SKI: variants seen among roughly 807,000 people sequenced by gnomAD.
SKI encodes the protein ski oncogene.
A neutral mutation model predicts 59.3 loss-of-function variants in SKI; 23 were observed. The ratio of observed to expected loss-of-function variants is 0.39; its 90% CI spans 0.28 to 0.55. The LOEUF (loss-of-function observed/expected upper bound fraction) is 0.55. Among genes scored for constraint, SKI ranks in the 20% least tolerant of loss-of-function variants. The pLI is 0.67. For missense variants in SKI, 1,017 were observed against 1,038.9 expected (o/e 0.98, Z 0.29); for synonymous variants, 673 against 488.6 (o/e 1.38, Z -4.98).
chr1:2,306,798 A>T lies in SKI; in HGVS notation c.*33A>T, dbSNP rs2230008. The stretch of plus-strand genomic sequence containing the variant: ...GCCTGCCGCCGCAGCGCCGCCGACA[A>T]CGCGGGTGCAGGGGGGCGCGGCTGG... On this transcript the variant is annotated 3_prime_UTR_variant, in exon 7 of 7. Coordinates refer to ENST00000378536, the MANE Select transcript of SKI (RefSeq NM_003036.4). 0.11 allele frequency: 163,467 copies of T among 1,452,124 alleles called. 10,051 individuals carry two copies. The highest frequency in any genetic ancestry group is 0.12 in the Non-Finnish European group (128,672 of 1,103,698). The allele number at this position is 1,452,124 out of a possible 1,614,324, so 90.0% of individuals were successfully genotyped here.
chr1:2,273,242 G>A (rs999297544), intron 1 of SKI, among the ~76,000 whole-genome samples: 9 of 152,180 alleles, frequency 5.9e-5, no homozygotes, highest in Non-Finnish European at 1.3e-4. Context: ...CACTGGCGCC[G>A]GAGACCTTTG....
Position 2,304,371 on chromosome 1 carries a change from C to A in SKI, c.1553C>A (p.Ala518Glu). 2 of 1,551,796 alleles carry A rather than the reference C, an allele frequency of 1.3e-6. No individual in the cohort carries two copies. Among genetic ancestry groups the A allele is most frequent in the Non-Finnish European group, 1.7e-6 (2 of 1,147,208 alleles). Residue 518 changes from alanine to glutamate, a missense_variant, in exon 5 of 7, where the codon GCG becomes GAG. Coordinates refer to ENST00000378536, the MANE Select transcript of SKI (RefSeq NM_003036.4). ...GCCAAGGACCTGGGCTCCCCGGGTG[C>A]GCGTGCCCTGCCCTCGGCCGTCCCT... is the stretch of plus-strand genomic sequence containing the variant. Reference protein sequence around the residue: ...SSAKDLGSPGARALPSAVPDA... With the variant: ...SSAKDLGSPGERALPSAVPDA...
intron 1 of SKI, 37 bp from the exon 2 acceptor site, chr1:2,302,941 A>C: frequency 6.2e-7 from 1 of 1,613,028 alleles, no homozygotes; most frequent in Non-Finnish European, 8.5e-7. Context: ...CTGCCCTGGG[A>C]ACCACAGGTG....
intron 1 of SKI, among the ~76,000 whole-genome samples, chr1:2,255,275 ACCT>A (rs1639249441): frequency 6.6e-6 from 1 of 151,504 alleles, no homozygotes; most frequent in African/African-American, 2.4e-5. Flanking sequence ...ATGGTGCTTG[ACCT>A]CAGTCCAGCT....
chr1:2,295,430 C>T (rs1191580600), intron 1 of SKI, among the ~76,000 whole-genome samples: 2 of 152,254 alleles, frequency 1.3e-5, no homozygotes, highest in East Asian at 3.8e-4. Flanking sequence ...AAAATTCTTC[C>T]TTCCACAGAA....
At chr1:2,239,440 G>A (rs1281196821) in intron 1 of SKI, among the ~76,000 whole-genome samples, 1 of 152,238 alleles carries the variant, frequency 6.6e-6, no homozygotes, top group Non-Finnish European at 1.5e-5. Flanking sequence ...CTGGGGTGGG[G>A]ACCTGCCTCG....
chr1:2,293,210 CA>C (rs1329221674), intron 1 of SKI, among the ~76,000 whole-genome samples: 1 of 152,196 alleles, frequency 6.6e-6, no homozygotes, highest in Non-Finnish European at 1.5e-5. Context: ...CTGGCCACCA[CA>C]GGGCTTTTGT....
In SKI at chr1:2,228,722, C is replaced by G. The variant is rs9442618; in HGVS notation, c.-45C>G. On this transcript the variant is annotated 5_prime_UTR_variant, in exon 1 of 7. Transcript: ENST00000378536. ...GGGCGGCGGCGGGGGCCGGGGGGGC[C>G]CGGGCGCGCGGGAGCGGGAGCGGCC... The G allele has an allele frequency of 5.9e-6, 6 of 1,012,772 alleles. No homozygotes were observed. The highest frequency in any genetic ancestry group is 7.1e-6 in the Non-Finnish European group (6 of 849,468). The allele number at this position is 1,012,772 out of a possible 1,614,324, so 62.7% of individuals were successfully genotyped here.
rs1640654118 is a variant in SKI at position 2,308,417 on chromosome 1, A to G, written c.*1652A>G. On this transcript the variant is annotated 3_prime_UTR_variant, in exon 7 of 7. Transcript: ENST00000378536. ...TAAAGTGCAATGCAAAAGGGACATC[A>G]TGTATATGCAGCGTTTGTTTGGAAT... 2 of 152,120 alleles carry G rather than the reference A, an allele frequency of 1.3e-5. No individual in the cohort carries two copies. Among genetic ancestry groups the G allele is most frequent in the Admixed American group, 6.5e-5 (1 of 15,278 alleles). 9.4% of individuals were successfully genotyped at this position (152,120 alleles called of 1,614,324 possible).
intron 1 of SKI, among the ~76,000 whole-genome samples, chr1:2,251,805 C>T (rs1639157590): frequency 6.6e-6 from 1 of 152,220 alleles, no homozygotes; most frequent in Non-Finnish European, 1.5e-5. Context: ...TGAATGTCGA[C>T]CATTTTCTCG....
intron 1 of SKI, among the ~76,000 whole-genome samples, chr1:2,250,705 T>A (rs1639127720): frequency 6.6e-6 from 1 of 152,262 alleles, no homozygotes; most frequent in Admixed American, 6.5e-5. Flanking sequence ...GGTGACCAAG[T>A]CTGGGAAGCT....
chr1:2,295,970 T>C (rs1305945262), intron 1 of SKI, among the ~76,000 whole-genome samples: 1 of 152,182 alleles, frequency 6.6e-6, no homozygotes, highest in Non-Finnish European at 1.5e-5. Context: ...GCGATGTAAC[T>C]GTGTTAAGCT....
chr1:2,301,345 GTC>G (rs1335581187), intron 1 of SKI, among the ~76,000 whole-genome samples: 2 of 152,168 alleles, frequency 1.3e-5, no homozygotes, highest in African/African-American at 2.4e-5. Flanking sequence ...CTATTTTAGT[GTC>G]TCTGAAAAAA....
At position 2,304,315 on chromosome 1, in the gene SKI, C is replaced by G; in HGVS notation, c.1497C>G (p.Leu499=). 3.2e-6 allele frequency: 5 copies of G among 1,551,724 alleles called. No individual in the cohort carries two copies. The South Asian group carries it at 3.6e-5, about 11-fold the overall frequency. Residue 499 remains leucine (L), a synonymous_variant, in exon 5 of 7, where the codon CTC becomes CTG. Transcript: ENST00000378536. The stretch of plus-strand genomic sequence containing the variant: ...CAGTCACCTCCTCCTTGTCCTCGCT[C>G]TCTTCCCCGTCCTTTACCTCATCCA... ...REEFTSSLSS[L]SSPSFTSSSS...
At chr1:2,295,715 GGCTATGTGTCCAGGCCACGTGTGA>G (rs1000022698) in intron 1 of SKI, among the ~76,000 whole-genome samples, 1 of 68,292 alleles carries the variant, frequency 1.5e-5, no homozygotes, top group Non-Finnish European at 2.7e-5. Flanking sequence ...GGCCACGTGT[GGCTATGTGTCCAGGCCACGTGTGA>G]CTGTGTGTGT....
intron 1 of SKI, among the ~76,000 whole-genome samples, chr1:2,276,453 T>C (rs961768249): frequency 2.0e-5 from 3 of 152,230 alleles, no homozygotes; most frequent in African/African-American, 7.2e-5. Flanking sequence ...CTGGGCCACC[T>C]GCTTCTGTGG....
rs573825751 is a variant in SKI, at chr1:2,233,869, C to T, written c.969+4134C>T. 4.9e-4 allele frequency among the ~76,000 whole-genome samples: 75 copies of T among 152,320 alleles called. 1 individual carries two copies. The highest frequency in any genetic ancestry group is 3.6e-3 in the Admixed American group (55 of 15,304). ...ATCAAGAGTTTCTTTCTGGGACACC[C>T]CTCACTCAGCTCAGCGGCCGTGTGT... On this transcript the variant is annotated intron_variant, in intron 1 of 6. Transcript: ENST00000378536.
intron 5 of SKI, among the ~76,000 whole-genome samples, chr1:2,305,622 T>C (rs1046393983): frequency 2.0e-5 from 3 of 152,092 alleles, no homozygotes; most frequent in Admixed American, 6.5e-5. Context: ...GACGTGTCCA[T>C]CTGGCTGCGT....
At chr1:2,282,766 A>G (rs1409048344) in intron 1 of SKI, among the ~76,000 whole-genome samples, 1 of 151,800 alleles carries the variant, frequency 6.6e-6, no homozygotes, top group Non-Finnish European at 1.5e-5. Flanking sequence ...GTTTCCAGGG[A>G]CACCGGCTCT....
Sources: gnomAD v4.1 joint callset for allele counts (sites outside exome capture counted in the v4.1 genomes callset) on GRCh38, gnomAD v4.1.1 for gene constraint, MANE v1.5 for transcripts, NCBI Gene and HGNC (gene_info 2026-07-23, HGNC 2026-07-21) for gene names.